Variants in KIAA1328 observed in about 807,000 individuals in gnomAD.
KIAA1328 encodes protein hinderin.
In KIAA1328, 52 loss-of-function variants were observed where a neutral mutation model predicts 68.1. The observed-to-expected ratio is 0.76, with a 90% CI of 0.61 to 0.96. KIAA1328 has a LOEUF of 0.96. Ranked by LOEUF, KIAA1328 falls within the 40% of genes least tolerant of loss-of-function variation. The pLI, the probability that KIAA1328 is intolerant of heterozygous loss-of-function variation, is 0.00. For synonymous variants in KIAA1328, 232 were observed against 239.4 expected (o/e 0.97, Z 0.28); for missense variants, 641 against 677.6 (o/e 0.95, Z 0.60).
intron 7 of KIAA1328, among the ~76,000 whole-genome samples, chr18:37,117,304 T>C (rs2058138062): frequency 1.3e-5 from 2 of 152,190 alleles, no homozygotes; most frequent in Non-Finnish European, 2.9e-5. Context: ...CATGGAATAC[T>C]ATGCAGCCAT....
rs376921297 is a variant in KIAA1328, at chr18:36,947,848, G to T, written c.449-11460G>T. On this transcript the variant is annotated intron_variant, in intron 5 of 9. Transcript: ENST00000280020. ...ACACTTTGATTTTTTTCAGGGCCTGGTATCTATCATATACTTGACTCTATA... is the reference window on the plus strand; with the variant it reads ...ACACTTTGATTTTTTTCAGGGCCTGTTATCTATCATATACTTGACTCTATA... Among the ~76,000 whole-genome samples the T allele has an allele frequency of 1.4e-4, 22 of 152,192 alleles. No homozygotes were observed. The East Asian group carries it at 3.9e-3, about 27-fold the overall frequency.
chr18:36,941,458 G>A (rs1249099773), intron 5 of KIAA1328, among the ~76,000 whole-genome samples: 5 of 152,084 alleles, frequency 3.3e-5, no homozygotes, highest in Non-Finnish European at 7.3e-5. Context: ...AGCCAGGCCT[G>A]GTGGTGGATG....
At chr18:36,923,440 T>G (rs1321044581) in intron 5 of KIAA1328, among the ~76,000 whole-genome samples, 2 of 152,112 alleles carry the variant, frequency 1.3e-5, no homozygotes, top group African/African-American at 4.8e-5. Context: ...GAAGACAAAT[T>G]ACCAAATTAG....
intron 6 of KIAA1328, among the ~76,000 whole-genome samples, chr18:37,059,102 T>C (rs1599113551): frequency 6.6e-6 from 1 of 152,112 alleles, no homozygotes; most frequent in African/African-American, 2.4e-5. Flanking sequence ...GCAATGTTGA[T>C]GTGACCTTGG....
At chr18:36,930,250 T>A (rs1252495494) in intron 5 of KIAA1328, among the ~76,000 whole-genome samples, 1 of 151,554 alleles carries the variant, frequency 6.6e-6, no homozygotes, top group Non-Finnish European at 1.5e-5. Context: ...GGGTTTCAGG[T>A]TCTGCATTCT....
At chr18:37,227,339 C>T (rs911655404), downstream of KIAA1328, among the ~76,000 whole-genome samples, 1 of 152,168 alleles carries the variant, frequency 6.6e-6, no homozygotes, top group Non-Finnish European at 1.5e-5. Context: ...AATGGATTTT[C>T]AATGTAAATT....
At chr18:37,139,856 G>A (rs2058730137) in intron 7 of KIAA1328, among the ~76,000 whole-genome samples, 1 of 152,124 alleles carries the variant, frequency 6.6e-6, no homozygotes, top group African/African-American at 2.4e-5. Flanking sequence ...AGTAACATGA[G>A]TCCCAGTAGC....
At chr18:37,213,276 C>A (rs569772346) in intron 9 of KIAA1328, among the ~76,000 whole-genome samples, 39 of 152,250 alleles carry the variant, frequency 2.6e-4, no homozygotes, top group Admixed American at 1.3e-3. Context: ...TTAGGTATTT[C>A]TCCTAATGCT....
intron 7 of KIAA1328, among the ~76,000 whole-genome samples, chr18:37,116,895 C>A (rs1362764094): frequency 2.6e-5 from 4 of 152,088 alleles, no homozygotes; most frequent in Non-Finnish European, 4.4e-5. Flanking sequence ...ATGCAGCCAA[C>A]AGACATATGA....
intron 5 of KIAA1328, among the ~76,000 whole-genome samples, chr18:36,940,504 T>G (rs2151182782): frequency 6.6e-6 from 1 of 152,296 alleles, no homozygotes; most frequent in East Asian, 1.9e-4. Flanking sequence ...CAAAGCTTGC[T>G]GTAGTTGTGA....
intron 6 of KIAA1328, among the ~76,000 whole-genome samples, chr18:37,048,277 T>C (rs1363442073): frequency 6.6e-6 from 1 of 152,208 alleles, no homozygotes; most frequent in Admixed American, 6.5e-5. Context: ...GAAAATGCAA[T>C]TAACTTTACA....
At chr18:37,173,770 A>G (rs1484658803) in intron 9 of KIAA1328, among the ~76,000 whole-genome samples, 1 of 152,224 alleles carries the variant, frequency 6.6e-6, no homozygotes, top group Non-Finnish European at 1.5e-5. Flanking sequence ...AGAAATGCCC[A>G]AATTACAAGT....
intron 7 of KIAA1328, among the ~76,000 whole-genome samples, chr18:37,119,471 G>A (rs1311227179): frequency 6.6e-6 from 1 of 152,148 alleles, no homozygotes; most frequent in East Asian, 1.9e-4. Flanking sequence ...GGTTCTGACT[G>A]GGGCTCTCTT....
intron 6 of KIAA1328, among the ~76,000 whole-genome samples, chr18:37,036,065 T>C (rs1332688695): frequency 2.6e-5 from 4 of 152,178 alleles, no homozygotes; most frequent in Admixed American, 1.3e-4. Flanking sequence ...AGTAGAAAGG[T>C]ATTATCTGAA....
chr18:36,896,986 A>G (rs1467758989), intron 5 of KIAA1328, among the ~76,000 whole-genome samples: 1 of 152,110 alleles, frequency 6.6e-6, no homozygotes, highest in African/African-American at 2.4e-5. Flanking sequence ...TTAGATGGTA[A>G]TACTCTCACT....
chr18:36,899,921 G>T (rs551882855), intron 5 of KIAA1328, among the ~76,000 whole-genome samples: 22 of 151,806 alleles, frequency 1.4e-4, no homozygotes, highest in Non-Finnish European at 3.1e-4. Flanking sequence ...AGAAAATCCA[G>T]CTTGTGGCCA....
intron 7 of KIAA1328, among the ~76,000 whole-genome samples, chr18:37,107,569 A>G (rs984167678): frequency 2.6e-5 from 4 of 151,644 alleles, no homozygotes; most frequent in African/African-American, 9.7e-5. Flanking sequence ...GATATCTTTC[A>G]CCTCCTTGGT....
intron 6 of KIAA1328, among the ~76,000 whole-genome samples, chr18:37,057,360 C>A (rs944841082): frequency 6.6e-6 from 1 of 151,560 alleles, no homozygotes. Flanking sequence ...ATGATGGTTC[C>A]ATTTAAAGAA....
chr18:36,954,142 A>G (rs924354897), intron 5 of KIAA1328, among the ~76,000 whole-genome samples: 10 of 151,996 alleles, frequency 6.6e-5, no homozygotes, highest in Non-Finnish European at 1.5e-4. Flanking sequence ...AGCTGGGACT[A>G]CAGGCGCCTG....
Sources: allele counts gnomAD v4.1 joint callset (sites outside exome capture counted in the v4.1 genomes callset), GRCh38; gene constraint gnomAD v4.1.1; transcripts MANE v1.5; gene names NCBI Gene and HGNC (gene_info 2026-07-23, HGNC 2026-07-21).